SPSB1: variants seen among roughly 807,000 people sequenced by gnomAD.
SPSB1 encodes splA/ryanodine receptor domain and SOCS box containing 1, also known as SPRY domain-containing SOCS box protein 1.
A neutral mutation model predicts 21.2 loss-of-function variants in SPSB1; 8 were observed. The ratio of observed to expected loss-of-function variants is 0.38; its 90% confidence interval spans 0.22 to 0.68. SPSB1 has a LOEUF of 0.68. Among genes scored for constraint, SPSB1 ranks in the 30% least tolerant of loss-of-function variants. The probability of loss-of-function intolerance (pLI) is 0.53; values close to 1 mark genes in which losing one functional copy is unlikely to be tolerated. For synonymous variants in SPSB1, 169 were observed against 161.7 expected, an observed-to-expected ratio of 1.05 and a Z score of -0.34; for missense variants, 242 against 377.8, an observed-to-expected ratio of 0.64 and a Z score of 2.98.
In SPSB1 at chr1:9,321,225, A is replaced by T. The variant is rs1383583752; in HGVS notation, c.-150+28154A>T. Among the ~76,000 whole-genome samples the T allele has an allele frequency of 1.3e-5, 2 of 152,202 alleles. No individual in the cohort carries two copies. The highest frequency in any genetic ancestry group is 3.9e-4 in the East Asian group (2 of 5,170). On this transcript the variant is annotated intron_variant, in intron 1 of 2. Transcript: ENST00000328089. This position sits in a 1 kb window ranked among gnomAD's most constrained non-coding sequence, Gnocchi z 4.8. ...AGGCGTCTCAGGCGGTGGGCCTTAA[A>T]CATTTACATTCTTGGGGCTTAGCTG...
intron 1 of SPSB1, among the ~76,000 whole-genome samples, chr1:9,319,236 G>T (rs867222483): frequency 6.6e-6 from 1 of 152,184 alleles, no homozygotes; most frequent in African/African-American, 2.4e-5. Context: ...CCTGGGAAGT[G>T]GGGGGACCAG....
intron 1 of SPSB1, among the ~76,000 whole-genome samples, chr1:9,352,229 A>C (rs915023990): frequency 6.6e-6 from 1 of 152,212 alleles, no homozygotes; most frequent in African/African-American, 2.4e-5. Context: ...CGACCTGGAC[A>C]GACAGACAGT....
In SPSB1 at chr1:9,356,780, C is replaced by T. The variant is rs540843992; in HGVS notation, c.694+195C>T. On this transcript the variant is annotated intron_variant, in intron 2 of 2. Transcript: ENST00000328089. This position sits in a 1 kb window ranked among gnomAD's most constrained non-coding sequence, Gnocchi z 7.4. ...ACCCAGAGTCAGCTAGATTACCTAACGGTGCCTCATGAATGAATGGACAGA... is the reference window on the plus strand; with the variant it reads ...ACCCAGAGTCAGCTAGATTACCTAATGGTGCCTCATGAATGAATGGACAGA... Among the ~76,000 whole-genome samples, 113 of 152,290 alleles carry T rather than the reference C, an allele frequency of 7.4e-4. No individual in the cohort carries two copies. The highest frequency in any genetic ancestry group is 1.3e-3 in the Non-Finnish European group (89 of 68,030).
In SPSB1 at chr1:9,293,653, G is replaced by T. The variant is rs1415344697; in HGVS notation, c.-150+582G>T. Among the ~76,000 whole-genome samples, 10 of 152,280 alleles carry T rather than the reference G, an allele frequency of 6.6e-5. No homozygotes were observed. The East Asian group carries it at 1.9e-3, about 29-fold the overall frequency. Reference sequence around the variant, plus strand: ...AGCCGCCGCGGCTTCTCCCAGCAGCGGAGGGAGAGCCGGAGGGTTGTCAGG... The same window carrying T: ...AGCCGCCGCGGCTTCTCCCAGCAGCTGAGGGAGAGCCGGAGGGTTGTCAGG... On this transcript the variant is annotated intron_variant, in intron 1 of 2. Coordinates refer to ENST00000328089, the MANE Select transcript of SPSB1 (RefSeq NM_025106.4). The surrounding 1 kb of genome is among the most constrained non-coding windows in gnomAD (Gnocchi z 5.1).
chr1:9,344,281 C>T (rs78006041), intron 1 of SPSB1, among the ~76,000 whole-genome samples: 211 of 152,224 alleles, frequency 1.4e-3, no homozygotes, highest in African/African-American at 4.7e-3. Flanking sequence ...GAAAGTCTAA[C>T]GGGATCAGGA....
chr1:9,305,027 G>A lies in SPSB1; in HGVS notation c.-150+11956G>A, dbSNP rs564107455. Among the ~76,000 whole-genome samples, 15 of 152,200 alleles carry A rather than the reference G, an allele frequency of 9.9e-5. No homozygotes were observed. In the South Asian group the frequency reaches 3.1e-3, roughly 32 times the overall value. On this transcript the variant is annotated intron_variant, in intron 1 of 2. Coordinates refer to ENST00000328089, the MANE Select transcript of SPSB1 (RefSeq NM_025106.4). The surrounding 1 kb of genome is among the most constrained non-coding windows in gnomAD (Gnocchi z 4.8). ...TCTGGCCATTCCCTGGGCTTCACCT[G>A]CCTCCTGCGCCCAGACCCATCTGGC...
In SPSB1 at chr1:9,367,097, C is replaced by T. The variant is rs371633005; in HGVS notation, c.695-351C>T. On this transcript the variant is annotated intron_variant, in intron 2 of 2. Transcript: ENST00000328089. This position sits in a 1 kb window ranked among gnomAD's most constrained non-coding sequence, Gnocchi z 5.9. Reference sequence around the variant, plus strand: ...GTTCGAATCCTAGCTGCATCTCCTGCCAGCAGGGCGACCCCTGGCAAGTCA... The same window carrying T: ...GTTCGAATCCTAGCTGCATCTCCTGTCAGCAGGGCGACCCCTGGCAAGTCA... Among the ~76,000 whole-genome samples the T allele has an allele frequency of 6.4e-4, 97 of 152,310 alleles. No homozygotes were observed. The South Asian group carries it at 9.1e-3, about 14-fold the overall frequency.
chr1:9,367,654 C>G lies in SPSB1; in HGVS notation c.*79C>G. 1.3e-6 allele frequency: 2 copies of G among 1,496,260 alleles called. No homozygotes were observed. The highest frequency in any genetic ancestry group is 2.3e-4 in the Middle Eastern group (1 of 4,322). 92.7% of individuals were successfully genotyped at this position (1,496,260 alleles called of 1,614,324 possible). A position where few individuals can be genotyped will look rare whatever the true frequency, so the allele number is the denominator to read the frequency against. Reference sequence around the variant, plus strand: ...CGCCTGCCGCTGGGGCCGCCGCACCCTGCACCTTGGACCGGCATCCGTAGC... The same window carrying G: ...CGCCTGCCGCTGGGGCCGCCGCACCGTGCACCTTGGACCGGCATCCGTAGC... On this transcript the variant is annotated 3_prime_UTR_variant, in exon 3 of 3. Coordinates refer to ENST00000328089, the MANE Select transcript of SPSB1 (RefSeq NM_025106.4). This position sits in a 1 kb window ranked among gnomAD's most constrained non-coding sequence, Gnocchi z 5.9.
chr1:9,325,222 A>ACCCCCCCCC (rs1200612130), intron 1 of SPSB1, among the ~76,000 whole-genome samples: 1 of 23,462 alleles, frequency 4.3e-5, no homozygotes, highest in African/African-American at 8.3e-5. Flanking sequence ...GCCTCCCACC[A>ACCCCCCCCC]CCACCCCCCC....
chr1:9,304,279 C>G (rs1386377065), intron 1 of SPSB1, among the ~76,000 whole-genome samples: 2 of 152,162 alleles, frequency 1.3e-5, no homozygotes, highest in Non-Finnish European at 2.9e-5. Flanking sequence ...GGCCTTCAGA[C>G]TTGGCTGAGC....
Position 9,311,719 on chromosome 1 carries a change from C to T in SPSB1, c.-150+18648C>T, listed in dbSNP as rs182582357. Among the ~76,000 whole-genome samples the T allele has an allele frequency of 5.0e-3, 757 of 152,126 alleles. 11 individuals carry two copies. The highest frequency in any genetic ancestry group is 2.2e-3 in the Non-Finnish European group (151 of 68,002). The stretch of plus-strand genomic sequence containing the variant: ...GGGTCAGCACCCAGGATGTTTCTGC[C>T]GGGGGTTGCCGAGTGGTAGACGTGA... On this transcript the variant is annotated intron_variant, in intron 1 of 2. Coordinates refer to ENST00000328089, the MANE Select transcript of SPSB1 (RefSeq NM_025106.4).
intron 2 of SPSB1, among the ~76,000 whole-genome samples, chr1:9,364,483 A>G (rs1640526211): frequency 1.3e-5 from 2 of 152,226 alleles, no homozygotes; most frequent in South Asian, 4.1e-4. Context: ...GCTGCGGGGC[A>G]GGGTCTGGAG....
chr1:9,361,183 T>A (rs1313346451), intron 2 of SPSB1, among the ~76,000 whole-genome samples: 1 of 100,440 alleles, frequency 1.0e-5, no homozygotes, highest in Non-Finnish European at 2.1e-5. Context: ...TTTTTTTTTT[T>A]AGAGATGGGG....
intron 1 of SPSB1, among the ~76,000 whole-genome samples, chr1:9,338,383 T>G (rs1338283608): frequency 6.6e-6 from 1 of 152,128 alleles, no homozygotes; most frequent in Non-Finnish European, 1.5e-5. Context: ...CAGTTGGGGA[T>G]CCATGCCTAG....
chr1:9,366,493 C>G (rs1640573603), intron 2 of SPSB1, among the ~76,000 whole-genome samples: 1 of 151,836 alleles, frequency 6.6e-6, no homozygotes, highest in African/African-American at 2.4e-5. Context: ...GGCATGGACG[C>G]TGGGCCCAGG....
chr1:9,316,104 AG>A (rs1214586743), intron 1 of SPSB1, among the ~76,000 whole-genome samples: 2 of 152,136 alleles, frequency 1.3e-5, no homozygotes, highest in East Asian at 3.9e-4. Flanking sequence ...GGTCCTGCTG[AG>A]GGCACCACGG....
At chr1:9,366,198 C>T (rs1163405349) in intron 2 of SPSB1, among the ~76,000 whole-genome samples, 1 of 152,140 alleles carries the variant, frequency 6.6e-6, no homozygotes, top group African/African-American at 2.4e-5. Context: ...CCAAGTTCCC[C>T]TGGCTGTGAG....
intron 1 of SPSB1, among the ~76,000 whole-genome samples, chr1:9,320,483 C>T (rs534027911): frequency 2.6e-5 from 4 of 152,296 alleles, no homozygotes; most frequent in South Asian, 4.1e-4. Context: ...TGGGAGAAGC[C>T]GTTTCCCTTG....
chr1:9,361,619 G>A (rs184029834), intron 2 of SPSB1, among the ~76,000 whole-genome samples: 11 of 152,344 alleles, frequency 7.2e-5, no homozygotes, highest in East Asian at 5.8e-4. Flanking sequence ...AGTTCTCGAC[G>A]TTTCCCTGTG....
Sources: gnomAD v4.1 joint callset for allele counts (sites outside exome capture counted in the v4.1 genomes callset) on GRCh38, gnomAD v4.1.1 for gene constraint, Gnocchi (gnomAD v3.1) non-coding constraint, MANE v1.5 for transcripts, NCBI Gene and HGNC (gene_info 2026-07-23, HGNC 2026-07-21) for gene names.